The following ZFAND6 variants were observed in gnomAD, a reference collection of about 807,000 sequenced individuals.
ZFAND6 encodes zinc finger AN1-type containing 6, also known as AN1-type zinc finger protein 6.
Under a neutral mutation model 24.5 loss-of-function variants are expected in ZFAND6, and 12 were observed. That is an observed-to-expected ratio of 0.49 (90% CI 0.31 to 0.79). ZFAND6 has a LOEUF of 0.79. ZFAND6 is among the 30% of genes least tolerant of loss of function. The pLI is 0.04. For missense variants in ZFAND6, 207 were observed against 245.9 expected (o/e 0.84, Z 1.06); for synonymous variants, 92 against 81.5 (o/e 1.13, Z -0.69).
At chr15:80,066,023 A>G (rs946122621) in intron 1 of ZFAND6, among the ~76,000 whole-genome samples, 2 of 151,972 alleles carry the variant, frequency 1.3e-5, no homozygotes, top group Admixed American at 6.6e-5. Flanking sequence ...TGCAGTTTTT[A>G]TTTTTTCAAC....
chr15:80,080,780 G>A (rs948020896), intron 1 of ZFAND6, among the ~76,000 whole-genome samples: 6 of 152,226 alleles, frequency 3.9e-5, no homozygotes, highest in African/African-American at 7.2e-5. Flanking sequence ...CACTGCGGAA[G>A]CAAAGAGGGA....
At chr15:80,121,898 A>G (rs535899363) in intron 4 of ZFAND6, 78 bp downstream of exon 4, 10 of 1,203,668 alleles carry the variant, frequency 8.3e-6, no homozygotes, top group Non-Finnish European at 1.1e-5. Flanking sequence ...TTAATAAGGA[A>G]AACTACGTAA....
intron 2 of ZFAND6, among the ~76,000 whole-genome samples, chr15:80,105,386 G>A (rs1338309034): frequency 6.6e-6 from 1 of 152,128 alleles, no homozygotes; most frequent in African/African-American, 2.4e-5. Flanking sequence ...TTATGAACCT[G>A]CCCTTTGTGA....
chr15:80,074,944 T>C (rs1291888637), intron 1 of ZFAND6, among the ~76,000 whole-genome samples: 2 of 152,112 alleles, frequency 1.3e-5, no homozygotes, highest in East Asian at 1.9e-4. Context: ...CTATAACTCA[T>C]TGATGGAACC....
At chr15:80,086,871 G>A (rs765641363) in intron 1 of ZFAND6, among the ~76,000 whole-genome samples, 2 of 152,204 alleles carry the variant, frequency 1.3e-5, no homozygotes, top group Admixed American at 1.3e-4. Flanking sequence ...GTCACTGTGA[G>A]TTTGACCATT....
chr15:80,107,407 G>A (rs1457071769), intron 2 of ZFAND6, among the ~76,000 whole-genome samples: 1 of 151,862 alleles, frequency 6.6e-6, no homozygotes, highest in African/African-American at 2.4e-5. Context: ...TACTATTATA[G>A]TATGGTTTGG....
At chr15:80,119,581 T>A (rs1467096023) in intron 2 of ZFAND6, among the ~76,000 whole-genome samples, 1 of 93,068 alleles carries the variant, frequency 1.1e-5, no homozygotes, top group Non-Finnish European at 2.7e-5. Context: ...ATATCATGCT[T>A]TTTTAAAAAA....
chr15:80,073,306 G>A (rs144561419), intron 1 of ZFAND6: 6 of 347,374 alleles, frequency 1.7e-5, no homozygotes, highest in African/African-American at 8.8e-5. Context: ...GGAAATGAAA[G>A]GATTTATATT....
At chr15:80,115,510 A>G (rs967548592) in intron 2 of ZFAND6, among the ~76,000 whole-genome samples, 1 of 152,112 alleles carries the variant, frequency 6.6e-6, no homozygotes. Flanking sequence ...TTGCCCCAAA[A>G]AGGTATAGTA....
chr15:80,098,641 A>G (rs1195524265), intron 2 of ZFAND6, 63 bp downstream of exon 2: 2 of 151,972 alleles, frequency 1.3e-5, no homozygotes, highest in African/African-American at 2.4e-5. Flanking sequence ...TTTTTTTTTT[A>G]ATTTAAAATG....
Position 80,137,608 on chromosome 15 carries a change from G to A in ZFAND6, c.607G>A (p.Glu203Lys), listed in dbSNP as rs12890. The A allele has an allele frequency of 1.3e-6, 2 of 1,591,088 alleles. No homozygotes were observed. Among genetic ancestry groups the A allele is most frequent in the Non-Finnish European group, 8.5e-7 (1 of 1,173,030 alleles). The change falls in exon 7 of 7, where the codon GAA becomes AAA. Residue 203 changes from glutamate (E) to lysine (K), a missense_variant. Glu to Lys is a moderately conservative substitution (Grantham distance 56). Transcript: ENST00000261749. ...AAAAGAAAATCCAGTAGTTGTTGGTGAAAAGATCCAAAAGATTTGAACTCC... is the reference window on the plus strand; with the variant it reads ...AAAAGAAAATCCAGTAGTTGTTGGTAAAAAGATCCAAAAGATTTGAACTCC... ...IRKENPVVVG[E>K]KIQKI
chr15:80,096,284 G>A (rs1271746974), intron 1 of ZFAND6, among the ~76,000 whole-genome samples: 1 of 152,174 alleles, frequency 6.6e-6, no homozygotes, highest in African/African-American at 2.4e-5. Context: ...CAGAAAGCAT[G>A]CTTCTGTTTT....
rs528490150 is a variant in ZFAND6 at position 80,109,980 on chromosome 15, T to C, written c.-17-10348T>C. ...AGGCTGCAGTCATTCAAAGATTTGA[T>C]CAGGGCTAGAGAAGATCGGCTTCCT... On this transcript the variant is annotated intron_variant, in intron 2 of 6. Transcript: ENST00000261749. Among the ~76,000 whole-genome samples the C allele has an allele frequency of 1.2e-3, 180 of 152,304 alleles. 1 individual carries two copies. The highest frequency in any genetic ancestry group is 4.0e-3 in the African/African-American group (166 of 41,548).
intron 5 of ZFAND6, among the ~76,000 whole-genome samples, chr15:80,126,648 C>T (rs1331660467): frequency 2.0e-5 from 3 of 152,160 alleles, no homozygotes; most frequent in African/African-American, 7.2e-5. Context: ...ACCCGAAATA[C>T]ATCAAAGACC....
upstream of ZFAND6, chr15:80,059,448 G>A (rs992953571): frequency 3.3e-5 from 5 of 152,256 alleles, no homozygotes; most frequent in African/African-American, 1.2e-4. Context: ...AGAAGGCGGA[G>A]GAGCATCTCC....
chr15:80,071,719 T>C (rs1316640998), intron 1 of ZFAND6, among the ~76,000 whole-genome samples: 2 of 150,970 alleles, frequency 1.3e-5, no homozygotes, highest in East Asian at 1.9e-4. Flanking sequence ...TTTGAAGTTA[T>C]GGAGTGCAAA....
intron 1 of ZFAND6, among the ~76,000 whole-genome samples, chr15:80,065,343 G>A (rs1318488847): frequency 6.6e-6 from 1 of 151,084 alleles, no homozygotes; most frequent in Non-Finnish European, 1.5e-5. Context: ...TTCTTTTTAG[G>A]TTTTATTGAA....
chr15:80,133,259 C>T (rs2040698759), intron 6 of ZFAND6, among the ~76,000 whole-genome samples: 2 of 149,840 alleles, frequency 1.3e-5, no homozygotes, highest in East Asian at 3.9e-4. Context: ...GTGGCACTAT[C>T]TCGGCTCACT....
chr15:80,092,174 G>T (rs1276758518), intron 1 of ZFAND6, among the ~76,000 whole-genome samples: 2 of 151,734 alleles, frequency 1.3e-5, no homozygotes, highest in Admixed American at 1.3e-4. Flanking sequence ...AAAAAATTTG[G>T]TTTGTTGGTG....
Sources: allele counts gnomAD v4.1 joint callset (sites outside exome capture counted in the v4.1 genomes callset), GRCh38; gene constraint gnomAD v4.1.1; transcripts MANE v1.5; gene names NCBI Gene and HGNC (gene_info 2026-07-23, HGNC 2026-07-21).